Variants in RBPMS observed in about 807,000 individuals in gnomAD.
RBPMS encodes the protein RNA-binding protein with multiple splicing.
A neutral mutation model predicts 26.8 loss-of-function variants in RBPMS; 7 were observed. The observed-to-expected ratio is 0.26, with a 90% CI of 0.15 to 0.49. RBPMS has a LOEUF of 0.49. Among genes scored for constraint, RBPMS ranks in the 20% least tolerant of loss-of-function variants. The probability of loss-of-function intolerance (pLI) is 0.98; values close to 1 mark genes in which losing one functional copy is unlikely to be tolerated. For synonymous variants in RBPMS, 96 were observed against 93.3 expected, an observed-to-expected ratio of 1.03 and a Z score of -0.17; for missense variants, 186 against 250.0, an observed-to-expected ratio of 0.74 and a Z score of 1.73.
intron 5 of RBPMS, among the ~76,000 whole-genome samples, chr8:30,519,464 T>C (rs1350012664): frequency 0.014 from 20 of 1,474 alleles, no homozygotes; most frequent in African/African-American, 0.017. Flanking sequence ...CTCTCTTTTT[T>C]TTTTTTTTTT....
At chr8:30,477,750 G>T in intron 2 of RBPMS, 49 bp from the exon 3 acceptor site, 1 of 1,249,264 alleles carries the variant, frequency 8.0e-7, no homozygotes, top group Admixed American at 1.7e-5. Flanking sequence ...GAACAAGATG[G>T]TATTACTACA....
chr8:30,502,481 A>G (rs1009864328), intron 4 of RBPMS, among the ~76,000 whole-genome samples: 1 of 152,182 alleles, frequency 6.6e-6, no homozygotes, highest in African/African-American at 2.4e-5. Context: ...ACTCAGGTTA[A>G]TGTGAACTCA....
intron 1 of RBPMS, among the ~76,000 whole-genome samples, chr8:30,410,645 A>T (rs1055437778): frequency 2.0e-5 from 3 of 151,828 alleles, no homozygotes; most frequent in African/African-American, 7.3e-5. Flanking sequence ...CCAGCACCTG[A>T]CCATGAAATG....
rs986540048 is a variant in RBPMS, at chr8:30,537,655, C to T, written c.398-6839C>T. On this transcript the variant is annotated intron_variant, in intron 5 of 8. Transcript: ENST00000397323. Reference sequence around the variant, plus strand: ...TCTGGACTCATGATCTTGATTGATTCACATCCTGGCTCTGTGAGAGTCGTT... The same window carrying T: ...TCTGGACTCATGATCTTGATTGATTTACATCCTGGCTCTGTGAGAGTCGTT... 13 of 456,030 alleles carry T rather than the reference C, an allele frequency of 2.9e-5. No homozygotes were observed. In the Admixed American group the frequency reaches 3.1e-4, roughly 11 times the overall value. The allele number at this position is 456,030 out of a possible 1,614,324, so 28.2% of individuals were successfully genotyped here.
chr8:30,542,640 A>G (rs1431330352), intron 5 of RBPMS, among the ~76,000 whole-genome samples: 2 of 152,266 alleles, frequency 1.3e-5, no homozygotes, highest in East Asian at 3.8e-4. Flanking sequence ...GAGGATTTAA[A>G]AGACTCAGAA....
At chr8:30,412,461 T>G (rs1809558314) in intron 1 of RBPMS, among the ~76,000 whole-genome samples, 1 of 151,998 alleles carries the variant, frequency 6.6e-6, no homozygotes, top group Non-Finnish European at 1.5e-5. Flanking sequence ...TTTTTTTTTT[T>G]GTAATTATTA....
intron 5 of RBPMS, chr8:30,537,700 G>C (rs772980096): frequency 2.2e-6 from 1 of 453,880 alleles, no homozygotes; most frequent in African/African-American, 2.0e-5. Flanking sequence ...ATTTAACCTC[G>C]CTGTGTCTCA....
intron 7 of RBPMS, among the ~76,000 whole-genome samples, chr8:30,560,818 G>A (rs1827400445): frequency 6.6e-6 from 1 of 152,104 alleles, no homozygotes; most frequent in Admixed American, 6.5e-5. Context: ...GGAGACTAAT[G>A]TTTCATGCCT....
chr8:30,550,787 C>T lies in RBPMS; in HGVS notation c.528+6163C>T, dbSNP rs146542306. ...CCCAAACCAGGCTGGACACGGCCAC[C>T]GGAACCCCCTTCTGACAGGAAATAC... On this transcript the variant is annotated intron_variant, in intron 6 of 8. Coordinates refer to ENST00000397323, the MANE Select transcript of RBPMS (RefSeq NM_001008710.3). Among the ~76,000 whole-genome samples the T allele has an allele frequency of 5.8e-3, 886 of 152,330 alleles. 7 individuals carry two copies. Among genetic ancestry groups the T allele is most frequent in the African/African-American group, 0.02 (844 of 41,580 alleles).
At chr8:30,495,439 A>C (rs1819845730) in intron 4 of RBPMS, among the ~76,000 whole-genome samples, 1 of 152,188 alleles carries the variant, frequency 6.6e-6, no homozygotes, top group African/African-American at 2.4e-5. Flanking sequence ...CTCCATGGGC[A>C]CGTATACCAC....
chr8:30,550,938 CG>C (rs1371369858), intron 6 of RBPMS, among the ~76,000 whole-genome samples: 2 of 152,222 alleles, frequency 1.3e-5, no homozygotes, highest in Non-Finnish European at 2.9e-5. Flanking sequence ...ACTTTCCTAT[CG>C]GAGAAACTGG....
chr8:30,503,816 AT>A (rs1820812813), intron 4 of RBPMS, among the ~76,000 whole-genome samples: 1 of 152,084 alleles, frequency 6.6e-6, no homozygotes, highest in South Asian at 2.1e-4. Flanking sequence ...AATTCATGGT[AT>A]TGGATGCTTA....
At chr8:30,523,783 A>G (rs1177788613) in intron 5 of RBPMS, among the ~76,000 whole-genome samples, 1 of 152,112 alleles carries the variant, frequency 6.6e-6, no homozygotes, top group African/African-American at 2.4e-5. Context: ...TTAGTAATCA[A>G]ATAACCAAGT....
intron 5 of RBPMS, among the ~76,000 whole-genome samples, chr8:30,543,069 AGAG>A (rs775387106): frequency 7.2e-5 from 11 of 152,214 alleles, no homozygotes; most frequent in East Asian, 1.9e-4. Context: ...TGCCTTGTTG[AGAG>A]GAGAAGGGAG....
intron 4 of RBPMS, among the ~76,000 whole-genome samples, chr8:30,483,499 TTTTCTTCCAGATAGC>T (rs1341858950): frequency 1.3e-5 from 2 of 152,122 alleles, no homozygotes; most frequent in Non-Finnish European, 2.9e-5. Context: ...TCAGTGTTGT[TTTTCTTCCAGATAGC>T]TCTTGAGATG....
At chr8:30,460,713 A>G (rs1413177400) in intron 1 of RBPMS, among the ~76,000 whole-genome samples, 2 of 152,196 alleles carry the variant, frequency 1.3e-5, no homozygotes, top group African/African-American at 4.8e-5. Flanking sequence ...CTCTCTTTTT[A>G]AAGGGTCGTG....
intron 1 of RBPMS, among the ~76,000 whole-genome samples, chr8:30,386,072 T>C (rs143389032): frequency 6.6e-6 from 1 of 152,320 alleles, no homozygotes; most frequent in East Asian, 1.9e-4. Flanking sequence ...TCCCACACAG[T>C]TGAGTTCTTA....
At chr8:30,415,264 T>TA (rs1809930089) in intron 1 of RBPMS, among the ~76,000 whole-genome samples, 3 of 152,218 alleles carry the variant, frequency 2.0e-5, no homozygotes, top group South Asian at 4.1e-4. Flanking sequence ...TCTGTTGACT[T>TA]ACCTTTACCC....
intron 8 of RBPMS, among the ~76,000 whole-genome samples, chr8:30,570,151 C>T (rs1828170374): frequency 6.6e-6 from 1 of 152,208 alleles, no homozygotes; most frequent in South Asian, 2.1e-4. Context: ...TTTTAAAACA[C>T]ATTTTCCCAA....
Sources: allele counts gnomAD v4.1 joint callset (sites outside exome capture counted in the v4.1 genomes callset), GRCh38; gene constraint gnomAD v4.1.1; transcripts MANE v1.5; gene names NCBI Gene and HGNC (gene_info 2026-07-23, HGNC 2026-07-21).